MAF: variants seen among roughly 807,000 people sequenced by gnomAD.
MAF encodes transcription factor Maf.
MAF carries 10 observed loss-of-function variants against 22.0 expected under a neutral mutation model. That is an observed-to-expected ratio of 0.45 (90% CI 0.28 to 0.77). The LOEUF is 0.77. MAF is among the 30% of genes least tolerant of loss of function. MAF has a pLI of 0.12. For missense variants in MAF, 544 were observed against 548.4 expected (o/e 0.99, Z 0.08); for synonymous variants, 337 against 255.8 (o/e 1.32, Z -3.03).
At chr16:79,341,036 G>A in the MAF span, among the ~76,000 whole-genome samples, 1 of 152,218 alleles carries the variant, frequency 6.6e-6, no homozygotes, top group South Asian at 2.1e-4. Flanking sequence ...CAGGCAGAGG[G>A]ACAAAGGGAC....
At chr16:79,470,132 CG>C in the MAF span, among the ~76,000 whole-genome samples, 1 of 152,200 alleles carries the variant, frequency 6.6e-6, no homozygotes, top group Non-Finnish European at 1.5e-5. Context: ...GGCATTTTTC[CG>C]GGATGTGCTT....
At chr16:79,319,512 C>T in the MAF span, among the ~76,000 whole-genome samples, 2 of 152,162 alleles carry the variant, frequency 1.3e-5, no homozygotes, top group Admixed American at 1.3e-4. Context: ...TGAAAGTGCT[C>T]ATTTACTCAC....
chr16:79,331,306 G>A, the MAF span, among the ~76,000 whole-genome samples: 1 of 152,184 alleles, frequency 6.6e-6, no homozygotes, highest in African/African-American at 2.4e-5. Flanking sequence ...CTTGGGGTGA[G>A]GAACGGGGTG....
chr16:79,368,841 C>T, the MAF span, among the ~76,000 whole-genome samples: 250 of 152,296 alleles, frequency 1.6e-3, 4 homozygotes, highest in African/African-American at 5.7e-3. Flanking sequence ...CCTTCCTTGA[C>T]CTCTAGTTCC....
the MAF span, among the ~76,000 whole-genome samples, chr16:79,225,436 C>T: frequency 6.6e-6 from 1 of 152,176 alleles, no homozygotes; most frequent in East Asian, 1.9e-4. Flanking sequence ...CAACACCATC[C>T]AGGTCATAGG....
chr16:79,445,566 GCC>G, the MAF span, among the ~76,000 whole-genome samples: 26 of 152,302 alleles, frequency 1.7e-4, no homozygotes, highest in African/African-American at 6.0e-4. Flanking sequence ...AAGCTCAGGT[GCC>G]CCTTGTCCAC....
chr16:79,257,397 A>C, the MAF span, among the ~76,000 whole-genome samples: 1 of 152,164 alleles, frequency 6.6e-6, no homozygotes, highest in Non-Finnish European at 1.5e-5. Context: ...AAAATATTAA[A>C]AATGCAAGTC....
the MAF span, among the ~76,000 whole-genome samples, chr16:79,291,576 C>T: frequency 6.6e-6 from 1 of 151,322 alleles, no homozygotes; most frequent in East Asian, 1.9e-4. Context: ...TCCTCTGAAC[C>T]TATCTGGGGG....
At chr16:79,271,858 G>C in the MAF span, among the ~76,000 whole-genome samples, 2 of 152,246 alleles carry the variant, frequency 1.3e-5, no homozygotes, top group Non-Finnish European at 2.9e-5. Context: ...TGAGGAAGAA[G>C]GTGCTGCCTG....
the MAF span, among the ~76,000 whole-genome samples, chr16:79,474,879 C>T: frequency 6.6e-6 from 1 of 152,140 alleles, no homozygotes; most frequent in African/African-American, 2.4e-5. Flanking sequence ...GATCTAAAAG[C>T]AAAGGAGTGT....
chr16:79,372,655 T>G, the MAF span, among the ~76,000 whole-genome samples: 1 of 152,090 alleles, frequency 6.6e-6, no homozygotes, highest in African/African-American at 2.4e-5. Context: ...CCCAGCAGGC[T>G]CCATCCGTGT....
chr16:79,473,821 C>T, the MAF span, among the ~76,000 whole-genome samples: 148,147 of 152,268 alleles, frequency 0.97, 72,213 homozygotes, highest in East Asian at 1. Flanking sequence ...TTTAATGGCA[C>T]TTTTGAGTTT....
chr16:79,487,776 C>G, the MAF span, among the ~76,000 whole-genome samples: 1 of 152,204 alleles, frequency 6.6e-6, no homozygotes, highest in Non-Finnish European at 1.5e-5. Flanking sequence ...CCCTGGGTGA[C>G]TCTGGAGCAC....
the MAF span, among the ~76,000 whole-genome samples, chr16:79,564,848 T>G: frequency 5.8e-3 from 879 of 152,288 alleles, 9 homozygotes; most frequent in African/African-American, 0.02. Flanking sequence ...TGCAGCCTAT[T>G]AACTATGTGG....
chr16:79,573,948 C>A, the MAF span, among the ~76,000 whole-genome samples: 1 of 152,150 alleles, frequency 6.6e-6, no homozygotes, highest in Non-Finnish European at 1.5e-5. Context: ...ATCTCCCGTT[C>A]GTTTGCCTGT....
At chr16:79,286,758 G>T in the MAF span, among the ~76,000 whole-genome samples, 1 of 152,086 alleles carries the variant, frequency 6.6e-6, no homozygotes, top group Non-Finnish European at 1.5e-5. Flanking sequence ...ACGTCCACCC[G>T]TTCTCACATG....
intron 1 of MAF, chr16:79,595,747 G>A (rs1913481179): frequency 9.5e-7 from 1 of 1,056,590 alleles, no homozygotes; most frequent in Non-Finnish European, 1.1e-6. Context: ...TTTATTTCTG[G>A]GGATAGCATG....
rs543711042 is a variant in MAF, at chr16:79,597,718, A to G, written c.1118+1067T>C. On this transcript the variant is annotated intron_variant, in intron 1 of 1. Transcript: ENST00000326043. ...AAAACAAAAGTATGAATGCCATGCT[A>G]TAAGTCTTCGAACGTCCATTTCCAA... is the stretch of plus-strand genomic sequence containing the variant. 1.5e-3 allele frequency: 1,554 copies of G among 1,020,410 alleles called. 2 individuals carry two copies. The highest frequency in any genetic ancestry group is 1.7e-3 in the Non-Finnish European group (1,480 of 850,426). 63.2% of individuals were successfully genotyped at this position (1,020,410 alleles called of 1,614,324 possible). A position where few individuals can be genotyped will look rare whatever the true frequency, so the allele number is the denominator to read the frequency against.
chr16:79,211,760 G>C, the MAF span: 4 of 1,614,156 alleles, frequency 2.5e-6, no homozygotes, highest in Non-Finnish European at 3.4e-6. Flanking sequence ...TCAGCGAGAG[G>C]CTGATCCAAG....
Sources: allele counts gnomAD v4.1 joint callset (sites outside exome capture counted in the v4.1 genomes callset), GRCh38; gene constraint gnomAD v4.1.1; transcripts MANE v1.5; gene names NCBI Gene and HGNC (gene_info 2026-07-23, HGNC 2026-07-21).